The following USP37 variants were observed in gnomAD, a reference collection of about 807,000 sequenced individuals.
USP37 encodes ubiquitin carboxyl-terminal hydrolase 37.
USP37 carries 27 observed loss-of-function variants against 124.0 expected under a neutral mutation model. The observed-to-expected ratio is 0.22, with a 90% CI of 0.16 to 0.30. USP37 has a LOEUF of 0.30. USP37 is among the 10% of genes least tolerant of loss of function. USP37 has a pLI of 1.00. For synonymous variants in USP37, 365 were observed against 388.0 expected, an observed-to-expected ratio of 0.94 and a Z score of 0.70; for missense variants, 889 against 1,140.4, an observed-to-expected ratio of 0.78 and a Z score of 3.17.
At chr2:218,524,905 C>T (rs1444561609) in intron 10 of USP37, among the ~76,000 whole-genome samples, 1 of 152,090 alleles carries the variant, frequency 6.6e-6, no homozygotes, top group Non-Finnish European at 1.5e-5. Context: ...CCACCATGCC[C>T]GGCCAGAAGG....
chr2:218,461,912 T>G (rs956491540), intron 22 of USP37, among the ~76,000 whole-genome samples: 23 of 152,136 alleles, frequency 1.5e-4, no homozygotes, highest in African/African-American at 5.6e-4. Context: ...ATCCCAACAC[T>G]TTGGGAGGCC....
At chr2:218,522,774 CCTAT>C (rs3046986) in intron 10 of USP37, among the ~76,000 whole-genome samples, 70,054 of 151,408 alleles carry the variant, frequency 0.46, 19,297 homozygotes, top group East Asian at 0.78. Context: ...TAGATTTATT[CCTAT>C]CTATCTCACT....
At chr2:218,501,433 A>ACTGCTT (rs969646361) in intron 11 of USP37, among the ~76,000 whole-genome samples, 1 of 152,112 alleles carries the variant, frequency 6.6e-6, no homozygotes, top group Non-Finnish European at 1.5e-5. Context: ...TGAGAGAACT[A>ACTGCTT]CTGCTTCTGC....
At chr2:218,540,947 A>G (rs1691938893) in intron 8 of USP37, among the ~76,000 whole-genome samples, 1 of 152,198 alleles carries the variant, frequency 6.6e-6, no homozygotes. Context: ...TACCACATAC[A>G]GTATTACCCC....
intron 20 of USP37, among the ~76,000 whole-genome samples, chr2:218,472,868 A>T (rs953480840): frequency 3.9e-5 from 6 of 152,122 alleles, no homozygotes; most frequent in African/African-American, 1.2e-4. Context: ...TATAGCCCAC[A>T]TTCTCATTTC....
intron 19 of USP37, among the ~76,000 whole-genome samples, chr2:218,475,771 C>G (rs1317463406): frequency 2.6e-5 from 4 of 151,184 alleles, no homozygotes; most frequent in Non-Finnish European, 4.4e-5. Flanking sequence ...AACCAAAACC[C>G]AAAAATTAGG....
intron 21 of USP37, among the ~76,000 whole-genome samples, chr2:218,464,879 T>C (rs1690225751): frequency 6.6e-6 from 1 of 152,124 alleles, no homozygotes. Flanking sequence ...GCCCAGGAGT[T>C]TGAGACCAGC....
At chr2:218,460,091 CA>C (rs55945023) in intron 22 of USP37, among the ~76,000 whole-genome samples, 186 bp from the exon 23 acceptor site, 13 of 118,030 alleles carry the variant, frequency 1.1e-4, no homozygotes, top group East Asian at 2.4e-4. Context: ...ACTAAAAATA[CA>C]AAAAAAAAAA....
chr2:218,555,641 C>A (rs373296176), intron 4 of USP37, among the ~76,000 whole-genome samples: 1 of 152,166 alleles, frequency 6.6e-6, no homozygotes. Context: ...ACTTCAACAA[C>A]TGAAAAGCCC....
At chr2:218,522,531 C>G (rs1221444419) in intron 10 of USP37, among the ~76,000 whole-genome samples, 11 of 145,412 alleles carry the variant, frequency 7.6e-5, no homozygotes, top group Non-Finnish European at 1.6e-4. Context: ...CCACCGTACT[C>G]CAGCCTAGGT....
At chr2:218,550,103 T>C (rs1469967799) in intron 5 of USP37, among the ~76,000 whole-genome samples, 194 bp from the exon 6 acceptor site, 1 of 152,012 alleles carries the variant, frequency 6.6e-6, no homozygotes, top group East Asian at 1.9e-4. Flanking sequence ...AATTTAGAGC[T>C]AGAATCTGAA....
intron 10 of USP37, among the ~76,000 whole-genome samples, chr2:218,517,254 T>G (rs1009536189): frequency 6.6e-6 from 1 of 152,236 alleles, no homozygotes; most frequent in African/African-American, 2.4e-5. Flanking sequence ...TTGTTGTCAT[T>G]TAAACCCAAC....
At chr2:218,486,733 T>C (rs932594323) in intron 15 of USP37, among the ~76,000 whole-genome samples, 5 of 152,044 alleles carry the variant, frequency 3.3e-5, no homozygotes, top group Non-Finnish European at 7.4e-5. Context: ...TTTTATTTTT[T>C]TTATTTTTTT....
At chr2:218,465,389 C>CA (rs1690257766) in intron 21 of USP37, among the ~76,000 whole-genome samples, 1 of 150,618 alleles carries the variant, frequency 6.6e-6, no homozygotes, top group South Asian at 2.1e-4. Context: ...CCAGCCTGGG[C>CA]AACATAACAA....
rs1239205005 is a variant in USP37, at chr2:218,467,983, G to T, written c.2300-1807C>A. Among the ~76,000 whole-genome samples the T allele has an allele frequency of 4.0e-5, 6 of 151,298 alleles. No homozygotes were observed. In the South Asian group the frequency reaches 1.0e-3, roughly 26 times the overall value. ...GCTCACTGCAACCTCCACCTTCTAG[G>T]TTCAAGCGATTCTCCTGCCTCAGCC... On this transcript the variant is annotated intron_variant, in intron 20 of 25. Transcript: ENST00000258399.
intron 18 of USP37, 34 bp downstream of exon 18, chr2:218,479,616 C>T (rs746608129): frequency 2.5e-6 from 4 of 1,585,804 alleles, no homozygotes; most frequent in Non-Finnish European, 3.5e-6. Context: ...AAACCTTAAA[C>T]ACAGATTTTG....
At chr2:218,460,612 A>T (rs952314042) in intron 22 of USP37, among the ~76,000 whole-genome samples, 7 of 152,284 alleles carry the variant, frequency 4.6e-5, no homozygotes, top group African/African-American at 1.7e-4. Context: ...CAGAAAAAGG[A>T]TTATAAAAAG....
At chr2:218,477,679 G>A (rs1405973467) in intron 18 of USP37, among the ~76,000 whole-genome samples, 3 of 152,162 alleles carry the variant, frequency 2.0e-5, no homozygotes, top group South Asian at 2.1e-4. Flanking sequence ...AGCCTCTGAG[G>A]GCAATATCAT....
rs1257336814 is a variant in USP37 at position 218,466,037 on chromosome 2, C to T, written c.2439G>A (p.Gln813=). Residue 813 remains glutamine (Q), a synonymous_variant, in exon 21 of 26, where the codon CAG becomes CAA. Coordinates refer to ENST00000258399, the MANE Select transcript of USP37 (RefSeq NM_020935.3). ...GCTCTTGAAGGCTCTGAGCCAGTGCCTGCTGAAGCTCTTGCTCTTCCCTTT... is the reference window on the plus strand; with the variant it reads ...GCTCTTGAAGGCTCTGAGCCAGTGCTTGCTGAAGCTCTTGCTCTTCCCTTT... ...EREREEQELQ[Q]ALAQSLQEQE... is the part of the protein sequence containing the mutation. 6 of 1,612,008 alleles carry T rather than the reference C, an allele frequency of 3.7e-6. No individual in the cohort carries two copies. The African/African-American group carries it at 8.0e-5, about 22-fold the overall frequency.
Sources: gnomAD v4.1 joint callset for allele counts (sites outside exome capture counted in the v4.1 genomes callset) on GRCh38, gnomAD v4.1.1 for gene constraint, MANE v1.5 for transcripts, NCBI Gene and HGNC (gene_info 2026-07-23, HGNC 2026-07-21) for gene names.